The following FREM2 variants were observed in gnomAD, a reference collection of about 807,000 sequenced individuals.
FREM2 encodes FRAS1 related extracellular matrix 2.
Under a neutral mutation model 219.9 loss-of-function variants are expected in FREM2, and 119 were observed. That is an observed-to-expected ratio of 0.54 (90% CI 0.47 to 0.63). The LOEUF is 0.63. Ranked by LOEUF, FREM2 falls within the 30% of genes least tolerant of loss-of-function variation. The pLI is 0.00. For synonymous variants in FREM2, 1,562 were observed against 1,522.8 expected (o/e 1.03, Z -0.60); for missense variants, 4,030 against 3,993.6 (o/e 1.01, Z -0.25).
chr13:38,792,376 A>T (rs1182458238), intron 6 of FREM2, among the ~76,000 whole-genome samples: 2 of 152,076 alleles, frequency 1.3e-5, no homozygotes, highest in East Asian at 3.9e-4. Flanking sequence ...AAGTCCCTTC[A>T]ATTTTTCCAT....
intron 20 of FREM2, 105 bp downstream of exon 20, chr13:38,876,487 G>C: frequency 1.0e-6 from 1 of 960,642 alleles, no homozygotes; most frequent in Non-Finnish European, 1.6e-6. Flanking sequence ...TTTAATTCTT[G>C]CATGCTGAAA....
intron 4 of FREM2, among the ~76,000 whole-genome samples, chr13:38,771,351 A>T (rs1247804405): frequency 6.6e-6 from 1 of 152,208 alleles, no homozygotes; most frequent in African/African-American, 2.4e-5. Flanking sequence ...GGACAGCTTT[A>T]ATACATATAA....
chr13:38,819,841 T>G (rs954140396), intron 6 of FREM2, among the ~76,000 whole-genome samples: 2 of 152,136 alleles, frequency 1.3e-5, no homozygotes, highest in Non-Finnish European at 2.9e-5. Flanking sequence ...CCAGCCTGAC[T>G]AAAGAGACTA....
chr13:38,730,849 T>G lies in FREM2; in HGVS notation c.5263+33062T>G, dbSNP rs192388762. On this transcript the variant is annotated intron_variant, in intron 2 of 23. Transcript: ENST00000280481. ...AAAGGTTCAAAGACATTATTATTCT[T>G]TAAGTTTTTGAAGTGTAAAGACTTA... 2.6e-5 allele frequency among the ~76,000 whole-genome samples: 4 copies of G among 152,212 alleles called. No individual in the cohort carries two copies. In the East Asian group the frequency reaches 7.7e-4, roughly 29 times the overall value.
chr13:38,735,126 G>A (rs979379440), intron 2 of FREM2, among the ~76,000 whole-genome samples: 1 of 152,098 alleles, frequency 6.6e-6, no homozygotes, highest in African/African-American at 2.4e-5. Context: ...TTCTGCATTC[G>A]ATCTGGGGTG....
At chr13:38,838,698 A>C (rs1166743902) in intron 6 of FREM2, among the ~76,000 whole-genome samples, 1 of 152,068 alleles carries the variant, frequency 6.6e-6, no homozygotes, top group Non-Finnish European at 1.5e-5. Context: ...TTCACGCTTT[A>C]TTTCATTAAG....
chr13:38,886,090 A>G lies in FREM2; in HGVS notation c.*5303A>G, dbSNP rs1878716186. On this transcript the variant is annotated 3_prime_UTR_variant, in exon 24 of 24. Transcript: ENST00000280481. The stretch of plus-strand genomic sequence containing the variant: ...CCCAATGTTTGGATCATCCTCTCAG[A>G]TAAGAATTGTCAGTATTGCACCTCA... The G allele has an allele frequency of 6.6e-6, 1 of 152,154 alleles. No homozygotes were observed. The allele number at this position is 152,154 out of a possible 1,614,324, so 9.4% of individuals were successfully genotyped here. A position where few individuals can be genotyped will look rare whatever the true frequency, so the allele number is the denominator to read the frequency against.
intron 2 of FREM2, among the ~76,000 whole-genome samples, chr13:38,734,738 CTTTTTTTTTT>C (rs11314517): frequency 8.9e-5 from 8 of 89,394 alleles, no homozygotes; most frequent in Non-Finnish European, 1.6e-4. Flanking sequence ...CAGTGCTATA[CTTTTTTTTTT>C]TTTTTTTTTT....
rs552170785 is a variant in FREM2 at position 38,878,956 on chromosome 13, C to T, written c.8985C>T (p.Val2995=). Residue 2995 remains valine (V), a synonymous_variant, in exon 23 of 24, where the codon GTC becomes GTT. Coordinates refer to ENST00000280481, the MANE Select transcript of FREM2 (RefSeq NM_207361.6). Reference sequence around the variant, plus strand: ...AGCCTGGATCTGATGGATTTAAAGTCGACTCAACACCACTCTTTCAGGTAG... The same window carrying T: ...AGCCTGGATCTGATGGATTTAAAGTTGACTCAACACCACTCTTTCAGGTAG... The part of the protein sequence containing the change: ...VNQPGSDGFK[V]DSTPLFQVAL... The T allele has an allele frequency of 1.2e-5, 19 of 1,614,094 alleles. No individual in the cohort carries two copies. Among genetic ancestry groups the T allele is most frequent in the Middle Eastern group, 1.7e-4 (1 of 6,060 alleles).
chr13:38,750,253 G>A (rs1050730932), intron 2 of FREM2, among the ~76,000 whole-genome samples: 4 of 152,114 alleles, frequency 2.6e-5, no homozygotes, highest in Admixed American at 2.0e-4. Context: ...GGACCTGGTA[G>A]GAGGTAACTG....
intron 6 of FREM2, among the ~76,000 whole-genome samples, chr13:38,810,824 G>A (rs1875447818): frequency 6.6e-6 from 1 of 151,820 alleles, no homozygotes; most frequent in Non-Finnish European, 1.5e-5. Context: ...GATAATGATA[G>A]AATGAGTTTG....
chr13:38,800,596 T>C (rs577624642), intron 6 of FREM2, among the ~76,000 whole-genome samples: 45 of 152,302 alleles, frequency 3.0e-4, no homozygotes, highest in African/African-American at 1.0e-3. Flanking sequence ...TGTCTAGGTC[T>C]CTTGCTAGAC....
chr13:38,736,804 C>A (rs1487494296), intron 2 of FREM2, among the ~76,000 whole-genome samples: 1 of 152,114 alleles, frequency 6.6e-6, no homozygotes, highest in African/African-American at 2.4e-5. Flanking sequence ...TTAAATTACC[C>A]AGCAGACAGT....
At chr13:38,694,825 C>T (rs1215717931) in intron 1 of FREM2, among the ~76,000 whole-genome samples, 2 of 152,090 alleles carry the variant, frequency 1.3e-5, no homozygotes, top group Admixed American at 6.6e-5. Context: ...TCCCCTTAAC[C>T]CAGATCTAAA....
Position 38,874,606 on chromosome 13 carries a change from A to G in FREM2, c.8281+20A>G. On this transcript the variant is annotated intron_variant, in intron 18 of 23. Coordinates refer to ENST00000280481, the MANE Select transcript of FREM2 (RefSeq NM_207361.6). ...ATCCCGGTAAGCCCCGTTATCTTTT[A>G]ACAACCACTCCTCACACAAAAAGGA... 6.3e-7 allele frequency: 1 copy of G among 1,574,986 alleles called. No individual in the cohort carries two copies.
intron 2 of FREM2, among the ~76,000 whole-genome samples, chr13:38,729,735 G>C (rs910080480): frequency 1.3e-5 from 2 of 152,122 alleles, no homozygotes; most frequent in Non-Finnish European, 2.9e-5. Flanking sequence ...ATATCTAGAC[G>C]TTCCACATTT....
At chr13:38,694,089 G>A (rs778165927) in intron 1 of FREM2, among the ~76,000 whole-genome samples, 8 of 152,158 alleles carry the variant, frequency 5.3e-5, no homozygotes, top group Non-Finnish European at 1.0e-4. Context: ...TTTTGATGAA[G>A]ACAGGCAAAT....
At chr13:38,709,357 T>C (rs1307535593) in intron 2 of FREM2, among the ~76,000 whole-genome samples, 3 of 152,174 alleles carry the variant, frequency 2.0e-5, no homozygotes, top group African/African-American at 7.2e-5. Flanking sequence ...AAAACATGGA[T>C]GTATATAGCA....
In FREM2 at chr13:38,864,299, G is replaced by A. The variant is rs1350828652; in HGVS notation, c.7676G>A (p.Arg2559Lys). Residue 2559 changes from arginine (R) to lysine (K), a missense_variant, in exon 16 of 24, where the codon AGA (arginine) becomes AAA (lysine). Physicochemically the swap from Arg to Lys is conservative, Grantham distance 26. This residue lies in a region of FREM2 where 928 missense variants were observed against 1,042.9 expected (regional missense o/e 0.89). Transcript: ENST00000280481. ...IDGMLPVIST[R>K]ELSNFELTLS... ...GGCATGCTCCCCGTGATCTCCACTA[G>A]AGAGCTTTCCAACTTTGAGCTCACC... is the stretch of plus-strand genomic sequence containing the variant. 2 of 1,614,126 alleles carry A rather than the reference G, an allele frequency of 1.2e-6. No homozygotes were observed. Among genetic ancestry groups the A allele is most frequent in the South Asian group, 1.1e-5 (1 of 91,086 alleles).
Sources: gnomAD v4.1 joint callset for allele counts (sites outside exome capture counted in the v4.1 genomes callset) on GRCh38, gnomAD v4.1.1 for gene constraint, gnomAD v4.1.1 regional missense constraint, MANE v1.5 for transcripts, NCBI Gene and HGNC (gene_info 2026-07-23, HGNC 2026-07-21) for gene names.